The following ANGPTL1 variants were observed in gnomAD, a reference collection of about 807,000 sequenced individuals.
ANGPTL1 encodes angiopoietin-related protein 1.
A neutral mutation model predicts 46.7 loss-of-function variants in ANGPTL1; 36 were observed. The observed-to-expected ratio is 0.77, with a 90% CI of 0.59 to 1.02. ANGPTL1 has a LOEUF of 1.02. Ranked by LOEUF, ANGPTL1 falls within the 50% of genes least tolerant of loss-of-function variation. The pLI is 0.00. For synonymous variants in ANGPTL1, 221 were observed against 204.3 expected (o/e 1.08, Z -0.69); for missense variants, 571 against 594.7 (o/e 0.96, Z 0.41).
At chr1:178,856,394 A>ATTTTTCTTTTTT (rs1657576123) in intron 3 of ANGPTL1, among the ~76,000 whole-genome samples, 1 of 36,432 alleles carries the variant, frequency 2.7e-5, no homozygotes, top group Non-Finnish European at 4.7e-5. Flanking sequence ...TGCCTGGCTA[A>ATTTTTCTTTTTT]TTTTTTTTTT....
chr1:178,856,332 A>ATCCTCCC (rs1657567880), intron 3 of ANGPTL1, among the ~76,000 whole-genome samples: 1 of 138,342 alleles, frequency 7.2e-6, no homozygotes, highest in African/African-American at 2.7e-5. Context: ...GGCTCAAGTG[A>ATCCTCCC]TCCTCCCACC....
At chr1:178,862,625 ATTTATTTG>A (rs941747162) in intron 3 of ANGPTL1, among the ~76,000 whole-genome samples, 1 of 148,166 alleles carries the variant, frequency 6.7e-6, no homozygotes, top group Non-Finnish European at 1.5e-5. Flanking sequence ...TTATTTATTT[ATTTATTTG>A]GTTGGTTGGT....
intron 2 of ANGPTL1, among the ~76,000 whole-genome samples, chr1:178,867,150 T>G (rs1428765946): frequency 6.6e-6 from 1 of 152,160 alleles, no homozygotes; most frequent in East Asian, 1.9e-4. Context: ...TGCCTGTTGT[T>G]AATAACAACA....
rs745479614 is a variant in ANGPTL1, at chr1:178,852,920, G to C, written c.1051C>G (p.Leu351Val). 1 of 1,612,734 alleles carries C rather than the reference G, an allele frequency of 6.2e-7. No homozygotes were observed. Among genetic ancestry groups the C allele is most frequent in the South Asian group, 1.1e-5 (1 of 90,964 alleles). ...AGCATATAGATATTTTCCAGTCCAA[G>C]CCAGTATTCTCCGTCAATGTTTCCA... ...GFGNIDGEYWLGLENIYMLSN... is the reference protein window; with the variant it reads ...GFGNIDGEYWVGLENIYMLSN... Residue 351 changes from leucine (L) to valine (V), a missense_variant, in exon 5 of 6, where the codon CTT becomes GTT. Transcript: ENST00000234816.
intron 3 of ANGPTL1, among the ~76,000 whole-genome samples, chr1:178,859,377 C>G (rs1483118288): frequency 6.8e-6 from 1 of 147,508 alleles, no homozygotes; most frequent in Non-Finnish European, 1.5e-5. Flanking sequence ...TTTTTAGTTT[C>G]TAATGACTAC....
chr1:178,861,379 C>G (rs187921640), intron 3 of ANGPTL1, among the ~76,000 whole-genome samples: 3 of 151,412 alleles, frequency 2.0e-5, no homozygotes, highest in Admixed American at 2.0e-4. Flanking sequence ...TTCATTAAAA[C>G]AAAATGTGTT....
At chr1:178,868,131 T>C (rs377003842) in intron 2 of ANGPTL1, among the ~76,000 whole-genome samples, 2 of 151,992 alleles carry the variant, frequency 1.3e-5, no homozygotes, top group Admixed American at 6.6e-5. Context: ...TTTTATGTTT[T>C]CATACCTTGC....
chr1:178,851,312 G>A lies in ANGPTL1; in HGVS notation c.1293C>T (p.Asn431=), dbSNP rs908297946. ...AGCCTCCTTTATGAAAGTGGGCGCAGTTTCCTTTGAGGAAAAAATACAGAT... is the reference window on the plus strand; with the variant it reads ...AGCCTCCTTTATGAAAGTGGGCGCAATTTCCTTTGAGGAAAAAATACAGAT... ...LDRDKDMYAG[N]CAHFHKGGWW... The change falls in exon 6 of 6, where the codon AAC becomes AAT. Residue 431 remains asparagine, a synonymous_variant. Coordinates refer to ENST00000234816, the MANE Select transcript of ANGPTL1 (RefSeq NM_004673.4). 2.1e-5 allele frequency: 33 copies of A among 1,605,082 alleles called. No individual in the cohort carries two copies. The highest frequency in any genetic ancestry group is 2.6e-5 in the Non-Finnish European group (31 of 1,176,458).
chr1:178,851,308 C>T lies in ANGPTL1; in HGVS notation c.1297G>A (p.Ala433Thr), dbSNP rs758492969. The T allele has an allele frequency of 6.2e-6, 10 of 1,606,290 alleles. No individual in the cohort carries two copies. The highest frequency in any genetic ancestry group is 1.3e-5 in the African/African-American group (1 of 74,488). ...CACCAGCCTCCTTTATGAAAGTGGG[C>T]GCAGTTTCCTTTGAGGAAAAAATAC... is the stretch of plus-strand genomic sequence containing the variant. ...RDKDMYAGNC[A>T]HFHKGGWWYN... Residue 433 changes from alanine (A) to threonine (T), a missense_variant, in exon 6 of 6, where the codon GCC (alanine) becomes ACC (threonine). Physicochemically the swap from Ala to Thr is moderately conservative, Grantham distance 58. Transcript: ENST00000234816.
chr1:178,864,874 CATTT>C (rs1201954735), intron 3 of ANGPTL1, 76 bp downstream of exon 3: 32 of 965,756 alleles, frequency 3.3e-5, no homozygotes, highest in Middle Eastern at 4.7e-4. Context: ...AATGAATAAG[CATTT>C]ATTATGAGCA....
chr1:178,858,273 T>G lies in ANGPTL1; in HGVS notation c.824-4486A>C, dbSNP rs12757741. 6.3e-3 allele frequency among the ~76,000 whole-genome samples: 952 copies of G among 152,306 alleles called. 4 individuals are homozygous for G. The highest frequency in any genetic ancestry group is 0.012 in the Non-Finnish European group (798 of 67,972). ...ATTTTCTCATTATTACTTGAAAATC[T>G]TATTTACTTTCTGCCCTAAAATTAG... On this transcript the variant is annotated intron_variant, in intron 3 of 5. Transcript: ENST00000234816.
intron 3 of ANGPTL1, among the ~76,000 whole-genome samples, chr1:178,863,941 A>G (rs75939442): frequency 0.04 from 6,064 of 152,238 alleles, 164 homozygotes; most frequent in African/African-American, 0.068. Flanking sequence ...ATTTCATAGT[A>G]TATGTTTTAT....
intron 3 of ANGPTL1, among the ~76,000 whole-genome samples, chr1:178,861,207 G>A (rs936898412): frequency 4.6e-5 from 7 of 152,014 alleles, no homozygotes; most frequent in African/African-American, 1.4e-4. Flanking sequence ...AATTCTTATG[G>A]TCTAGCAGAT....
chr1:178,858,798 T>C (rs1282415068), intron 3 of ANGPTL1, among the ~76,000 whole-genome samples: 1 of 152,218 alleles, frequency 6.6e-6, no homozygotes, highest in Non-Finnish European at 1.5e-5. Context: ...TTTCACACTT[T>C]GAATAGCAGC....
intron 2 of ANGPTL1, among the ~76,000 whole-genome samples, chr1:178,868,882 A>G (rs1658576977): frequency 6.6e-6 from 1 of 152,060 alleles, no homozygotes; most frequent in South Asian, 2.1e-4. Context: ...CAGGGCAAGG[A>G]GCCACATTTC....
At chr1:178,854,245 G>C (rs542720989) in intron 3 of ANGPTL1, among the ~76,000 whole-genome samples, 1 of 152,102 alleles carries the variant, frequency 6.6e-6, no homozygotes, top group Non-Finnish European at 1.5e-5. Context: ...CTGAGGGATC[G>C]ATCTACTGGA....
At position 178,852,819 on chromosome 1, in the gene ANGPTL1, G is replaced by A. The variant is rs769787196; in HGVS notation, c.1152C>T (p.Ser384=). ...WSDKKVYAEY[S]SFRLEPESEF... is the part of the protein sequence containing the mutation. ...CACTTTCAGGTTCCAGACGAAAGCT[G>A]CTGTATTCTGCATAGACTTTTTTAT... Residue 384 remains serine (S), a synonymous_variant, in exon 5 of 6, where the codon AGC becomes AGT. Coordinates refer to ENST00000234816, the MANE Select transcript of ANGPTL1 (RefSeq NM_004673.4). 1.9e-6 allele frequency: 3 copies of A among 1,613,884 alleles called. No homozygotes were observed. Among genetic ancestry groups the A allele is most frequent in the Non-Finnish European group, 2.5e-6 (3 of 1,179,864 alleles).
At position 178,850,338 on chromosome 1, in the gene ANGPTL1, A is replaced by G. The variant is rs762641974; in HGVS notation, c.*791T>C. 3.3e-5 allele frequency: 5 copies of G among 152,608 alleles called. No individual in the cohort carries two copies. The highest frequency in any genetic ancestry group is 7.4e-5 in the Non-Finnish European group (5 of 68,024). The allele number at this position is 152,608 out of a possible 1,614,324, so 9.5% of individuals were successfully genotyped here. On this transcript the variant is annotated 3_prime_UTR_variant, in exon 6 of 6. Coordinates refer to ENST00000234816, the MANE Select transcript of ANGPTL1 (RefSeq NM_004673.4). Reference sequence around the variant, plus strand: ...AATTCAGATCTGTAGCACACTAAATATTCTGCATTTTTGTAATACCAATAT... The same window carrying G: ...AATTCAGATCTGTAGCACACTAAATGTTCTGCATTTTTGTAATACCAATAT...
chr1:178,862,344 A>G (rs1176656687), intron 3 of ANGPTL1, among the ~76,000 whole-genome samples: 1 of 152,160 alleles, frequency 6.6e-6, no homozygotes, highest in African/African-American at 2.4e-5. Context: ...AATGTCACCA[A>G]ATCAACTAAC....
Sources: allele counts gnomAD v4.1 joint callset (sites outside exome capture counted in the v4.1 genomes callset), GRCh38; gene constraint gnomAD v4.1.1; transcripts MANE v1.5; gene names NCBI Gene and HGNC (gene_info 2026-07-23, HGNC 2026-07-21).